Variants in SPIDR observed in about 807,000 individuals in gnomAD.
SPIDR encodes scaffold protein involved in DNA repair.
In SPIDR, 93 loss-of-function variants were observed where a neutral mutation model predicts 104.6. The ratio of observed to expected loss-of-function variants is 0.89; its 90% CI spans 0.75 to 1.06. The LOEUF is 1.06. Ranked by LOEUF, SPIDR falls within the 50% of genes least tolerant of loss-of-function variation. The pLI is 0.00. For synonymous variants in SPIDR, 431 were observed against 416.9 expected (o/e 1.03, Z -0.41); for missense variants, 1,154 against 1,111.2 (o/e 1.04, Z -0.55).
intron 8 of SPIDR, among the ~76,000 whole-genome samples, chr8:47,469,814 C>G (rs1481892246): frequency 6.6e-6 from 1 of 152,130 alleles, no homozygotes; most frequent in Non-Finnish European, 1.5e-5. Flanking sequence ...CAACAAATTT[C>G]TATTATATGT....
chr8:47,468,990 T>A (rs1554719245), intron 8 of SPIDR, among the ~76,000 whole-genome samples: 2 of 151,914 alleles, frequency 1.3e-5, no homozygotes, highest in African/African-American at 4.8e-5. Context: ...TAAACATATT[T>A]ACAAGGAAAA....
At chr8:47,504,628 C>T (rs571968652) in intron 8 of SPIDR, among the ~76,000 whole-genome samples, 1 of 152,332 alleles carries the variant, frequency 6.6e-6, no homozygotes, top group Non-Finnish European at 1.5e-5. Flanking sequence ...GCCTTCTTCT[C>T]TCAACTCGTC....
intron 10 of SPIDR, among the ~76,000 whole-genome samples, chr8:47,647,969 G>C (rs981530977): frequency 2.6e-5 from 4 of 152,334 alleles, no homozygotes; most frequent in Middle Eastern, 3.4e-3. Context: ...GAGGTAGAAA[G>C]GGTAGGGTTG....
intron 10 of SPIDR, among the ~76,000 whole-genome samples, chr8:47,670,518 C>A (rs1203686428): frequency 1.3e-5 from 2 of 152,118 alleles, no homozygotes; most frequent in Non-Finnish European, 2.9e-5. Context: ...ACTTTATTTT[C>A]TTGGCCATTT....
At chr8:47,677,662 T>A (rs766069097) in intron 11 of SPIDR, among the ~76,000 whole-genome samples, 12 of 152,254 alleles carry the variant, frequency 7.9e-5, no homozygotes, top group Non-Finnish European at 1.8e-4. Context: ...ACATGGTCTT[T>A]GACCTTGAAT....
In SPIDR at chr8:47,728,967, G is replaced by GTCACA; in HGVS notation, c.2473_2477dup (p.Pro827HisfsTer23). ...TTCCTGTGGGGACTGCTCCCGGGTG[G>GTCACA]TCACATCTCCTGTTCTCAAGAGGCA... On this transcript the variant is annotated frameshift_variant, in exon 18 of 20. Transcript: ENST00000297423. LOFTEE classifies it high-confidence loss of function. 1 of 1,613,874 alleles carries GTCACA rather than the reference G, an allele frequency of 6.2e-7. No homozygotes were observed. The highest frequency in any genetic ancestry group is 1.3e-5 in the African/African-American group (1 of 75,028).
At chr8:47,720,633 A>G (rs2083258778) in intron 16 of SPIDR, among the ~76,000 whole-genome samples, 1 of 152,152 alleles carries the variant, frequency 6.6e-6, no homozygotes, top group South Asian at 2.1e-4. Context: ...TGTCTGTTCA[A>G]ATCATTTGCC....
intron 8 of SPIDR, among the ~76,000 whole-genome samples, chr8:47,440,930 C>T (rs2069306892): frequency 6.6e-6 from 1 of 152,090 alleles, no homozygotes; most frequent in African/African-American, 2.4e-5. Context: ...GGATAAAAAG[C>T]ATGAATTAAG....
At chr8:47,355,969 G>A (rs1343141419) in intron 5 of SPIDR, among the ~76,000 whole-genome samples, 1 of 152,158 alleles carries the variant, frequency 6.6e-6, no homozygotes, top group Non-Finnish European at 1.5e-5. Flanking sequence ...CCTTGGCATA[G>A]CTCTTGGTAA....
Position 47,440,488 on chromosome 8 carries a change from C to G in SPIDR, c.1043C>G (p.Thr348Ser), listed in dbSNP as rs974144561. 1 of 1,614,264 alleles carries G rather than the reference C, an allele frequency of 6.2e-7. No individual in the cohort carries two copies. Among genetic ancestry groups the G allele is most frequent in the Non-Finnish European group, 8.5e-7 (1 of 1,180,034 alleles). Residue 348 changes from threonine to serine, a missense_variant, in exon 8 of 20, where the codon ACT becomes AGT. By Grantham distance (58) the Thr-to-Ser change is moderately conservative. Coordinates refer to ENST00000297423, the MANE Select transcript of SPIDR (RefSeq NM_001080394.4). ...CTGAAAGTTCTCTTCACCAAGGAGA[C>G]TGCAGGCTACCTCAGGGGCCGTCCC... The part of the protein sequence containing the change: ...AGLKVLFTKE[T>S]AGYLRGRPQD...
intron 8 of SPIDR, among the ~76,000 whole-genome samples, chr8:47,578,163 C>T (rs995880238): frequency 6.6e-6 from 1 of 152,148 alleles, no homozygotes; most frequent in African/African-American, 2.4e-5. Flanking sequence ...ATAAAGGTTG[C>T]TACTCATGAT....
At chr8:47,673,693 C>A in intron 10 of SPIDR, 108 bp from the exon 11 acceptor site, 63 of 1,356,540 alleles carry the variant, frequency 4.6e-5, no homozygotes, top group East Asian at 1.2e-4. Flanking sequence ...ATTATATTGA[C>A]CAGTCACAGC....
At chr8:47,411,667 C>T (rs1210318753) in intron 7 of SPIDR, among the ~76,000 whole-genome samples, 5 of 152,138 alleles carry the variant, frequency 3.3e-5, no homozygotes, top group African/African-American at 9.7e-5. Flanking sequence ...AATTAGATCC[C>T]ATTTGTCAAT....
intron 8 of SPIDR, among the ~76,000 whole-genome samples, chr8:47,538,857 C>CTTTT (rs1161571829): frequency 1.4e-3 from 145 of 100,850 alleles, no homozygotes; most frequent in Non-Finnish European, 2.1e-3. Flanking sequence ...TTTTTCTTTT[C>CTTTT]TTTTTTTTTT....
chr8:47,735,146 CATTT>C (rs1432127725), intron 19 of SPIDR, among the ~76,000 whole-genome samples, 157 bp from the exon 20 acceptor site: 1 of 150,308 alleles, frequency 6.7e-6, no homozygotes, highest in Admixed American at 6.6e-5. Flanking sequence ...AGTGGCTCTT[CATTT>C]GTTTCTCCTT....
chr8:47,356,052 G>C (rs1206709706), intron 5 of SPIDR, among the ~76,000 whole-genome samples: 1 of 152,152 alleles, frequency 6.6e-6, no homozygotes, highest in Non-Finnish European at 1.5e-5. Context: ...ATGAATGAGT[G>C]AGTGAATGAA....
chr8:47,412,720 T>C (rs1044179978), intron 7 of SPIDR, among the ~76,000 whole-genome samples: 3 of 152,248 alleles, frequency 2.0e-5, no homozygotes, highest in South Asian at 2.1e-4. Flanking sequence ...TTTCAGTGAT[T>C]CTTCATGTTC....
intron 5 of SPIDR, among the ~76,000 whole-genome samples, chr8:47,368,190 C>T (rs986515664): frequency 1.3e-5 from 2 of 151,524 alleles, no homozygotes; most frequent in Admixed American, 6.6e-5. Context: ...CTGAGAGTTC[C>T]ACCCCCTTAA....
At chr8:47,533,357 T>C (rs2086339386) in intron 8 of SPIDR, among the ~76,000 whole-genome samples, 1 of 152,120 alleles carries the variant, frequency 6.6e-6, no homozygotes. Context: ...ATCCTCGACA[T>C]AGGAATGGGC....
Sources: gnomAD v4.1 joint callset for allele counts (sites outside exome capture counted in the v4.1 genomes callset) on GRCh38, gnomAD v4.1.1 for gene constraint, MANE v1.5 for transcripts, NCBI Gene and HGNC (gene_info 2026-07-23, HGNC 2026-07-21) for gene names.